GALNT13: variants seen among roughly 807,000 people sequenced by gnomAD.
The protein encoded by GALNT13 is polypeptide N-acetylgalactosaminyltransferase 13, also known as UDP-GalNAc:polypeptide N-acetylgalactosaminyltransferase 13.
In GALNT13, 28 loss-of-function variants were observed where a neutral mutation model predicts 64.2. The observed-to-expected ratio is 0.44, with a 90% CI of 0.32 to 0.60. The LOEUF (loss-of-function observed/expected upper bound fraction) is 0.60. Among genes scored for constraint, GALNT13 ranks in the 20% least tolerant of loss-of-function variants. The pLI is 0.05. For synonymous variants in GALNT13, 214 were observed against 224.6 expected (o/e 0.95, Z 0.42); for missense variants, 577 against 669.8 (o/e 0.86, Z 1.53).
chr2:154,007,146 T>C (rs1370723130), intron 3 of GALNT13, among the ~76,000 whole-genome samples: 2 of 152,188 alleles, frequency 1.3e-5, no homozygotes, highest in Non-Finnish European at 2.9e-5. Context: ...GGCCTTGAAG[T>C]AGTAAGCTGC....
the GALNT13 span, among the ~76,000 whole-genome samples, chr2:153,862,029 T>C: frequency 6.6e-6 from 1 of 152,210 alleles, no homozygotes; most frequent in African/African-American, 2.4e-5. Context: ...TCCCAAAAGA[T>C]AATATAACAA....
intron 9 of GALNT13, among the ~76,000 whole-genome samples, chr2:154,348,961 G>T (rs560677200): frequency 8.7e-4 from 132 of 152,228 alleles, no homozygotes; most frequent in Admixed American, 1.7e-3. Flanking sequence ...TAGATTTTTA[G>T]AAATGAACAC....
the GALNT13 span, among the ~76,000 whole-genome samples, chr2:153,773,972 A>T: frequency 2.6e-5 from 4 of 152,138 alleles, no homozygotes; most frequent in African/African-American, 7.2e-5. Flanking sequence ...ATGTACACTG[A>T]TGTGCGTTCA....
intron 12 of GALNT13, 109 bp downstream of exon 12, chr2:154,438,835 A>G: frequency 1.1e-6 from 1 of 880,250 alleles, no homozygotes; most frequent in South Asian, 1.9e-5. Context: ...TGGCAGAATT[A>G]GATTTTCAAG....
the GALNT13 span, among the ~76,000 whole-genome samples, chr2:153,853,093 G>A: frequency 6.6e-6 from 1 of 152,058 alleles, no homozygotes; most frequent in Non-Finnish European, 1.5e-5. Context: ...GAGTTCAAAA[G>A]CTGAAGAATT....
chr2:153,824,457 C>T, the GALNT13 span, among the ~76,000 whole-genome samples: 1 of 152,106 alleles, frequency 6.6e-6, no homozygotes, highest in Admixed American at 6.6e-5. Flanking sequence ...CATAATATCA[C>T]CTTGGACCAA....
chr2:153,271,988 G>A, the GALNT13 span, among the ~76,000 whole-genome samples: 5 of 152,058 alleles, frequency 3.3e-5, no homozygotes, highest in Non-Finnish European at 5.9e-5. Context: ...CTGATCTTTG[G>A]CAAACATGAT....
chr2:154,199,041 G>A (rs1371793536), intron 4 of GALNT13, among the ~76,000 whole-genome samples: 7 of 151,936 alleles, frequency 4.6e-5, no homozygotes, highest in Admixed American at 2.0e-4. Context: ...GAAAGAGGTC[G>A]AAGTGCTTGC....
At chr2:154,374,807 ATTTT>A (rs924824758) in intron 9 of GALNT13, among the ~76,000 whole-genome samples, 2 of 152,214 alleles carry the variant, frequency 1.3e-5, no homozygotes, top group Non-Finnish European at 2.9e-5. Context: ...CCAGATTTTT[ATTTT>A]TTTAACTACC....
the GALNT13 span, among the ~76,000 whole-genome samples, chr2:153,588,056 C>T: frequency 2.0e-5 from 3 of 152,218 alleles, no homozygotes; most frequent in Non-Finnish European, 2.9e-5. Flanking sequence ...CCATGTCTCA[C>T]ATCCAGGTCA....
chr2:153,110,478 T>C, the GALNT13 span, among the ~76,000 whole-genome samples: 13 of 151,400 alleles, frequency 8.6e-5, 1 homozygote, highest in African/African-American at 3.2e-4. Flanking sequence ...ATTTGGTCTG[T>C]TTTTTTCCTT....
the GALNT13 span, among the ~76,000 whole-genome samples, chr2:153,701,495 G>A: frequency 8.5e-5 from 13 of 152,258 alleles, no homozygotes; most frequent in African/African-American, 3.1e-4. Flanking sequence ...TTGACAAATG[G>A]GATCTAAATA....
the GALNT13 span, among the ~76,000 whole-genome samples, chr2:153,861,414 C>T: frequency 9.9e-5 from 15 of 151,988 alleles, no homozygotes; most frequent in African/African-American, 3.6e-4. Flanking sequence ...GGTATTTAGA[C>T]AAATAAAATG....
chr2:153,368,430 C>A, the GALNT13 span, among the ~76,000 whole-genome samples: 1 of 152,094 alleles, frequency 6.6e-6, no homozygotes, highest in Non-Finnish European at 1.5e-5. Context: ...GGTATCAGAA[C>A]TGTGAGAAAT....
rs149702413 is a variant in GALNT13, at chr2:153,988,057, C to CAT, written c.142+43434_142+43435dup. ...GTATACATTTGAGGGTAGGAGGTGA[C>CAT]ATATATATATATATATACACACACA... On this transcript the variant is annotated intron_variant, in intron 3 of 12. Transcript: ENST00000392825. 8.5e-3 allele frequency among the ~76,000 whole-genome samples: 1,009 copies of CAT among 118,248 alleles called. 11 individuals are homozygous for CAT. Among genetic ancestry groups the CAT allele is most frequent in the African/African-American group, 0.019 (761 of 39,356 alleles). 77.6% of individuals were successfully genotyped at this position (118,248 alleles called of 152,430 possible).
chr2:153,163,843 C>A, the GALNT13 span, among the ~76,000 whole-genome samples: 4 of 151,864 alleles, frequency 2.6e-5, no homozygotes, highest in African/African-American at 9.7e-5. Flanking sequence ...CACGGTGAAA[C>A]CCCATCTCTA....
intron 9 of GALNT13, among the ~76,000 whole-genome samples, chr2:154,372,193 G>A (rs1697732373): frequency 6.6e-6 from 1 of 152,058 alleles, no homozygotes; most frequent in South Asian, 2.1e-4. Flanking sequence ...GAAAAGAAGT[G>A]GTTTAATTCA....
the GALNT13 span, among the ~76,000 whole-genome samples, chr2:153,719,608 C>T: frequency 6.6e-6 from 1 of 152,206 alleles, no homozygotes; most frequent in African/African-American, 2.4e-5. Flanking sequence ...GTGCGCGCAC[C>T]GTGCACGAGC....
chr2:154,117,397 G>A (rs188067030), intron 3 of GALNT13, among the ~76,000 whole-genome samples: 2 of 152,286 alleles, frequency 1.3e-5, no homozygotes, highest in African/African-American at 4.8e-5. Context: ...AACCCAATTT[G>A]TAGTCTTTTT....
Sources: gnomAD v4.1 joint callset for allele counts (sites outside exome capture counted in the v4.1 genomes callset) on GRCh38, gnomAD v4.1.1 for gene constraint, MANE v1.5 for transcripts, NCBI Gene and HGNC (gene_info 2026-07-23, HGNC 2026-07-21) for gene names.